The following ERG variants were observed in gnomAD, a reference collection of about 807,000 sequenced individuals.
ERG encodes ETS transcription factor ERG.
In ERG, 9 loss-of-function variants were observed where a neutral mutation model predicts 55.3. The ratio of observed to expected loss-of-function variants is 0.16; its 90% confidence interval spans 0.10 to 0.28. ERG has a LOEUF of 0.28. Among genes scored for constraint, ERG ranks in the 10% least tolerant of loss-of-function variants. The probability of loss-of-function intolerance (pLI) is 1.00; values close to 1 mark genes in which losing one functional copy is unlikely to be tolerated. For missense variants in ERG, 434 were observed against 631.6 expected (o/e 0.69, Z 3.35); for synonymous variants, 223 against 237.3 (o/e 0.94, Z 0.55).
intron 1 of ERG, among the ~76,000 whole-genome samples, chr21:38,648,225 C>T (rs2060468460): frequency 6.6e-6 from 1 of 152,110 alleles, no homozygotes; most frequent in South Asian, 2.1e-4. Flanking sequence ...TCCTCATTTC[C>T]ATTTCTTCCT....
At chr21:38,513,016 A>G (rs2059525150) in intron 2 of ERG, among the ~76,000 whole-genome samples, 1 of 151,980 alleles carries the variant, frequency 6.6e-6, no homozygotes, top group Admixed American at 6.5e-5. Flanking sequence ...CTGTAATCCC[A>G]GCTACTCAGG....
At chr21:38,507,968 C>CAT in intron 2 of ERG, among the ~76,000 whole-genome samples, 1 of 151,366 alleles carries the variant, frequency 6.6e-6, no homozygotes, top group Non-Finnish European at 1.5e-5. Flanking sequence ...CGCACATGCA[C>CAT]ACACACAGAG....
At chr21:38,451,327 A>G in intron 1 of ERG, 1 of 421,416 alleles carries the variant, frequency 2.4e-6, no homozygotes. Context: ...ACAGTTAATC[A>G]TTTCTTTTGC....
At chr21:38,528,826 T>C (rs2059651124) in intron 2 of ERG, among the ~76,000 whole-genome samples, 2 of 152,318 alleles carry the variant, frequency 1.3e-5, no homozygotes, top group African/African-American at 4.8e-5. Flanking sequence ...TGGCAAGATT[T>C]AGCCAGTTTT....
chr21:38,495,486 G>A (rs2059372036), intron 1 of ERG, among the ~76,000 whole-genome samples: 1 of 152,172 alleles, frequency 6.6e-6, no homozygotes, highest in Non-Finnish European at 1.5e-5. Flanking sequence ...GCCGGCTGCT[G>A]GCTCTCTCCA....
rs544037525 is a variant in ERG at position 38,480,591 on chromosome 21, CTTTTTTTT to C, written c.18+17764_18+17771del. Among the ~76,000 whole-genome samples the C allele has an allele frequency of 7.4e-4, 38 of 51,122 alleles. 1 individual carries two copies. Among genetic ancestry groups the C allele is most frequent in the African/African-American group, 1.9e-3 (25 of 12,862 alleles). The allele number at this position is 51,122 out of a possible 152,430, so 33.5% of individuals were successfully genotyped here. A position where few individuals can be genotyped will look rare whatever the true frequency, so the allele number is the denominator to read the frequency against. On this transcript the variant is annotated intron_variant, in intron 1 of 9. Coordinates refer to ENST00000288319, the MANE Select transcript of ERG (RefSeq NM_182918.4). ...TTGCCACTTTAGGGCACTATATGGC[CTTTTTTTT>C]TTTTTTTTTTTTTTTGCCTTATAGA...
chr21:38,402,712 CAAAAAAA>C (rs759434219), intron 4 of ERG, 75 bp from the exon 5 acceptor site: 1,840 of 165,160 alleles, frequency 0.011, 18 homozygotes, highest in East Asian at 0.012. Flanking sequence ...ACCTTTCTTA[CAAAAAAA>C]AAAAAAAAAA....
intron 3 of ERG, among the ~76,000 whole-genome samples, chr21:38,405,482 C>T (rs1484278695): frequency 6.6e-6 from 1 of 152,096 alleles, no homozygotes; most frequent in East Asian, 1.9e-4. Context: ...CTAGTGATGC[C>T]TGGTCTCCCC....
At chr21:38,657,266 C>G (rs1475651772) in intron 1 of ERG, among the ~76,000 whole-genome samples, 2 of 152,188 alleles carry the variant, frequency 1.3e-5, no homozygotes, top group Non-Finnish European at 2.9e-5. Flanking sequence ...CGCACTGAGT[C>G]AAGATAGCCA....
intron 1 of ERG, among the ~76,000 whole-genome samples, chr21:38,632,057 C>T (rs759509244): frequency 2.0e-4 from 31 of 152,138 alleles, no homozygotes; most frequent in Non-Finnish European, 3.1e-4. Flanking sequence ...CATCTTGTAA[C>T]ATGGCTCCCC....
chr21:38,475,411 C>T (rs755208780), intron 1 of ERG, among the ~76,000 whole-genome samples: 2 of 152,068 alleles, frequency 1.3e-5, no homozygotes, highest in Admixed American at 1.3e-4. Context: ...GGACTGTGCC[C>T]GATTACAATC....
chr21:38,542,009 C>T (rs548773349), intron 2 of ERG, among the ~76,000 whole-genome samples: 8 of 152,114 alleles, frequency 5.3e-5, no homozygotes, highest in African/African-American at 9.6e-5. Context: ...TGTTTATTTT[C>T]GTTTTTGTTT....
intron 9 of ERG, among the ~76,000 whole-genome samples, chr21:38,388,753 GCA>G (rs546217475): frequency 4.3e-4 from 65 of 152,288 alleles, no homozygotes; most frequent in Admixed American, 5.9e-4. Flanking sequence ...ATGGTATGAA[GCA>G]CAGTCCTCCT....
intron 1 of ERG, among the ~76,000 whole-genome samples, chr21:38,478,230 G>T (rs546419448): frequency 6.6e-6 from 1 of 152,202 alleles, no homozygotes; most frequent in African/African-American, 2.4e-5. Flanking sequence ...AGATATCCTG[G>T]CAACAGGTCT....
upstream of ERG, among the ~76,000 whole-genome samples, chr21:38,585,336 G>A (rs1029534431): frequency 2.0e-5 from 3 of 152,060 alleles, no homozygotes; most frequent in Non-Finnish European, 4.4e-5. Context: ...TTAGAATTTA[G>A]AAAACATCCC....
chr21:38,574,003 T>C (rs370317361), intron 2 of ERG, among the ~76,000 whole-genome samples: 6 of 152,244 alleles, frequency 3.9e-5, no homozygotes, highest in East Asian at 3.8e-4. Context: ...TGTTTCACCT[T>C]TATGAATTAG....
At chr21:38,401,101 T>C (rs1988467892) in intron 5 of ERG, among the ~76,000 whole-genome samples, 1 of 152,222 alleles carries the variant, frequency 6.6e-6, no homozygotes, top group Non-Finnish European at 1.5e-5. Context: ...TTAATCCACA[T>C]CTCTATTCAA....
At chr21:38,507,834 T>A (rs73215941) in intron 2 of ERG, among the ~76,000 whole-genome samples, 1,759 of 152,198 alleles carry the variant, frequency 0.012, 13 homozygotes, top group Non-Finnish European at 0.019. Flanking sequence ...GAACAGAACG[T>A]GCCCAGCATC....
chr21:38,583,246 G>C (rs1317785741), intron 1 of ERG, among the ~76,000 whole-genome samples: 1 of 152,210 alleles, frequency 6.6e-6, no homozygotes, highest in East Asian at 1.9e-4. Context: ...GCCCCTGACT[G>C]GGGCAGAGGC....
Sources: gnomAD v4.1 joint callset for allele counts (sites outside exome capture counted in the v4.1 genomes callset) on GRCh38, gnomAD v4.1.1 for gene constraint, MANE v1.5 for transcripts, NCBI Gene and HGNC (gene_info 2026-07-23, HGNC 2026-07-21) for gene names.